BUD13: variants seen among roughly 807,000 people sequenced by gnomAD.
The protein encoded by BUD13 is BUD13 homolog.
Under a neutral mutation model 62.5 loss-of-function variants are expected in BUD13, and 47 were observed. The ratio of observed to expected loss-of-function variants is 0.75; its 90% CI spans 0.60 to 0.96. BUD13 has a LOEUF of 0.96. Among genes scored for constraint, BUD13 ranks in the 40% least tolerant of loss-of-function variants. The pLI is 0.00. For missense variants in BUD13, 821 were observed against 790.9 expected (o/e 1.04, Z -0.46); for synonymous variants, 293 against 280.1 (o/e 1.05, Z -0.46).
intron 9 of BUD13, among the ~76,000 whole-genome samples, chr11:116,749,440 G>T (rs946408556): frequency 6.6e-6 from 1 of 152,180 alleles, no homozygotes; most frequent in African/African-American, 2.4e-5. Context: ...TGACATGAGG[G>T]TTGGGCAAGA....
At chr11:116,756,807 A>AT (rs1229902529) in intron 9 of BUD13, among the ~76,000 whole-genome samples, 2 of 152,202 alleles carry the variant, frequency 1.3e-5, no homozygotes, top group African/African-American at 4.8e-5. Context: ...TTTTAAAGAT[A>AT]TATCAGGTAG....
Position 116,760,819 on chromosome 11 carries a change from G to A in BUD13, c.1170C>T (p.Leu390=), listed in dbSNP as rs778110700. 6.8e-6 allele frequency: 11 copies of A among 1,614,178 alleles called. No homozygotes were observed. The South Asian group carries it at 9.9e-5, about 15-fold the overall frequency. Residue 390 remains leucine, a synonymous_variant, in exon 5 of 10, where the codon CTC becomes CTT. Coordinates refer to ENST00000260210, the MANE Select transcript of BUD13 (RefSeq NM_032725.4). ...TCCTCTGTCTCCTCCTTGGTGGAGA[G>A]AGGTCAGAATCAGAGCTCCGGTGTC... ...RPRHRSSDSD[L]SPPRRRQRTK... is the part of the protein sequence containing the mutation.
Position 116,748,417 on chromosome 11 carries a change from C to T in BUD13, c.*65G>A. 1 of 1,405,124 alleles carries T rather than the reference C, an allele frequency of 7.1e-7. No homozygotes were observed. The highest frequency in any genetic ancestry group is 1.7e-5 in the Admixed American group (1 of 59,276). 87.0% of individuals were successfully genotyped at this position (1,405,124 alleles called of 1,614,324 possible). Reference sequence around the variant, plus strand: ...CAATTATTAGCACAGACAACTGTTACCACTGGATATCTCGCTGCCTATGCC... The same window carrying T: ...CAATTATTAGCACAGACAACTGTTATCACTGGATATCTCGCTGCCTATGCC... On this transcript the variant is annotated 3_prime_UTR_variant, in exon 10 of 10. Transcript: ENST00000260210.
At chr11:116,769,303 G>A (rs537268579) in intron 2 of BUD13, among the ~76,000 whole-genome samples, 4 of 152,260 alleles carry the variant, frequency 2.6e-5, no homozygotes, top group East Asian at 1.9e-4. Flanking sequence ...TACTTGGTAC[G>A]TATGTGAAAC....
chr11:116,770,635 C>T (rs1371601028), intron 1 of BUD13, among the ~76,000 whole-genome samples: 1 of 152,124 alleles, frequency 6.6e-6, no homozygotes, highest in East Asian at 1.9e-4. Flanking sequence ...GCTGGGACTA[C>T]AGGCGACCAC....
chr11:116,758,818 C>T (rs1380942273), intron 6 of BUD13, among the ~76,000 whole-genome samples: 1 of 151,818 alleles, frequency 6.6e-6, no homozygotes, highest in East Asian at 1.9e-4. Flanking sequence ...TCTTGAACTA[C>T]AGACCTCAGC....
chr11:116,767,199 AT>A (rs1361251597), intron 2 of BUD13, among the ~76,000 whole-genome samples: 3 of 151,044 alleles, frequency 2.0e-5, no homozygotes, highest in Non-Finnish European at 4.4e-5. Context: ...AAAAAAAAAA[AT>A]AATAAAAACA....
intron 9 of BUD13, among the ~76,000 whole-genome samples, chr11:116,755,091 C>A (rs1321402767): frequency 6.6e-6 from 1 of 152,200 alleles, no homozygotes; most frequent in Non-Finnish European, 1.5e-5. Flanking sequence ...CTTCAAAGCA[C>A]CAATTACATA....
chr11:116,757,703 T>C, intron 8 of BUD13, 63 bp downstream of exon 8: 1 of 1,490,036 alleles, frequency 6.7e-7, no homozygotes, highest in South Asian at 1.3e-5. Flanking sequence ...TAGCTATGTA[T>C]CAGCATCCTA....
intron 6 of BUD13, 139 bp downstream of exon 6, chr11:116,758,935 G>A: frequency 1.5e-6 from 1 of 661,194 alleles, no homozygotes; most frequent in Non-Finnish European, 2.6e-6. Flanking sequence ...GGGATTCACT[G>A]AGAAATTACA....
In BUD13 at chr11:116,762,876, A is replaced by T. The variant is rs1343841508; in HGVS notation, c.713T>A (p.Ile238Asn). The change falls in exon 4 of 10, where the codon ATC (isoleucine) becomes AAC (asparagine). Residue 238 changes from isoleucine (I) to asparagine (N), a missense_variant. Around this residue, in one of 2 missense-constraint regions of BUD13, gnomAD observed 800 missense variants for 739.2 expected, o/e 1.08. Transcript: ENST00000260210. ...PRRARHGSSD[I>N]SSPRRVHNNS... is the part of the protein sequence containing the mutation. ...GTTATGGACCCTTCTGGGGGAAGAG[A>T]TATCTGAGGAACCATGACGGGCTCG... 3 of 1,612,998 alleles carry T rather than the reference A, an allele frequency of 1.9e-6. No individual in the cohort carries two copies. The highest frequency in any genetic ancestry group is 2.5e-6 in the Non-Finnish European group (3 of 1,179,876).
chr11:116,765,256 T>C (rs1190454616), intron 3 of BUD13, 106 bp downstream of exon 3: 12 of 1,199,212 alleles, frequency 1.0e-5, no homozygotes, highest in Admixed American at 2.0e-5. Flanking sequence ...TCAGGATCAA[T>C]GACATGCTAA....
At chr11:116,757,075 T>C in intron 9 of BUD13, 71 bp downstream of exon 9, 3 of 1,414,054 alleles carry the variant, frequency 2.1e-6, no homozygotes, top group Non-Finnish European at 3.0e-6. Context: ...TGAAATAAAG[T>C]GTGGAGCAAC....
At chr11:116,751,016 AC>A (rs1442945426) in intron 9 of BUD13, among the ~76,000 whole-genome samples, 1 of 152,162 alleles carries the variant, frequency 6.6e-6, no homozygotes, top group Non-Finnish European at 1.5e-5. Context: ...TTGGCTGGTT[AC>A]CAACATCCCT....
intron 3 of BUD13, among the ~76,000 whole-genome samples, chr11:116,764,665 A>G (rs1940497199): frequency 6.6e-6 from 1 of 152,210 alleles, no homozygotes; most frequent in Admixed American, 6.5e-5. Context: ...CAAAAATCAA[A>G]TACCTACTAG....
At chr11:116,769,411 A>G (rs375900779) in intron 2 of BUD13, among the ~76,000 whole-genome samples, 2 of 152,252 alleles carry the variant, frequency 1.3e-5, no homozygotes, top group African/African-American at 4.8e-5. Flanking sequence ...ATTAATCTAC[A>G]TATCTCCAGT....
chr11:116,758,256 G>T lies in BUD13; in HGVS notation c.1499+13C>A. The T allele has an allele frequency of 6.2e-7, 1 of 1,613,736 alleles. No individual in the cohort carries two copies. Among genetic ancestry groups the T allele is most frequent in the Non-Finnish European group, 8.5e-7 (1 of 1,179,806 alleles). ...CACTGCCATCTTGTTTACCCTTTCA[G>T]TGGTTCCCTTACCCTTTTCCCCACT... On this transcript the variant is annotated intron_variant, in intron 7 of 9. Coordinates refer to ENST00000260210, the MANE Select transcript of BUD13 (RefSeq NM_032725.4).
At chr11:116,754,245 C>T (rs1203864327) in intron 9 of BUD13, among the ~76,000 whole-genome samples, 1 of 152,166 alleles carries the variant, frequency 6.6e-6, no homozygotes, top group Non-Finnish European at 1.5e-5. Flanking sequence ...CAGGGTTTTG[C>T]CATGTTGCCC....
intron 2 of BUD13, among the ~76,000 whole-genome samples, chr11:116,769,147 G>A (rs985837844): frequency 6.6e-6 from 1 of 151,952 alleles, no homozygotes; most frequent in Non-Finnish European, 1.5e-5. Context: ...GAAATTCTCA[G>A]CAATGGTTTC....
Sources: gnomAD v4.1 joint callset for allele counts (sites outside exome capture counted in the v4.1 genomes callset) on GRCh38, gnomAD v4.1.1 for gene constraint, gnomAD v4.1.1 regional missense constraint, MANE v1.5 for transcripts, NCBI Gene and HGNC (gene_info 2026-07-23, HGNC 2026-07-21) for gene names.